EME2: variants seen among roughly 807,000 people sequenced by gnomAD.
EME2 encodes the protein essential meiotic structure-specific endonuclease subunit 2, also known as structure-specific endonuclease subunit EME2.
Under a neutral mutation model 41.9 loss-of-function variants are expected in EME2, and 58 were observed. The observed-to-expected ratio is 1.38, with a 90% confidence interval of 1.12 to 1.72. EME2 has a LOEUF of 1.72. Ranked by LOEUF, EME2 falls within the 40% of genes most tolerant of loss-of-function variation. EME2 has a pLI of 0.00. For missense variants in EME2, 695 were observed against 541.9 expected, an observed-to-expected ratio of 1.28 and a Z score of -2.81; for synonymous variants, 334 against 239.3, an observed-to-expected ratio of 1.40 and a Z score of -3.65.
Position 1,780,947 on chromosome 16 carries a change from G to C in EME2, c.*4709G>C, listed in dbSNP as rs186945317. On this transcript the variant is annotated 3_prime_UTR_variant, in exon 8 of 8. Coordinates refer to ENST00000568449, the MANE Select transcript of EME2 (RefSeq NM_001257370.2). Reference sequence around the variant, plus strand: ...AGTGTTTCACCATGTTGCCCAGGCAGGTCTCAAACTCCTGGGCTCAAGTGG... The same window carrying C: ...AGTGTTTCACCATGTTGCCCAGGCACGTCTCAAACTCCTGGGCTCAAGTGG... The C allele has an allele frequency of 6.0e-5, 21 of 347,470 alleles. No homozygotes were observed. Among genetic ancestry groups the C allele is most frequent in the African/African-American group, 4.5e-4 (21 of 46,774 alleles). The allele number at this position is 347,470 out of a possible 1,614,324, so 21.5% of individuals were successfully genotyped here.
Position 1,779,315 on chromosome 16 carries a change from G to T in EME2, c.*3077G>T. 6.6e-6 allele frequency: 1 copy of T among 152,596 alleles called. No homozygotes were observed. Among genetic ancestry groups the T allele is most frequent in the Non-Finnish European group, 1.5e-5 (1 of 68,226 alleles). 9.5% of individuals were successfully genotyped at this position (152,596 alleles called of 1,614,324 possible). ...CCTCCCTGTCACAGACTGTGTGGGG[G>T]CCACCCAGGGGCTGAATGGACCAGG... is the stretch of plus-strand genomic sequence containing the variant. On this transcript the variant is annotated 3_prime_UTR_variant, in exon 8 of 8. Coordinates refer to ENST00000568449, the MANE Select transcript of EME2 (RefSeq NM_001257370.2).
At chr16:1,774,983 C>T in intron 3 of EME2, 58 bp from the exon 4 acceptor site, 2 of 1,376,004 alleles carry the variant, frequency 1.5e-6, no homozygotes, top group Non-Finnish European at 2.0e-6. Flanking sequence ...GCCTGGTGGC[C>T]CATGGCCATA....
chr16:1,776,816 G>A lies in EME2; in HGVS notation c.*578G>A, dbSNP rs2042719878. ...GCAAGTTAGGAAAAACCGAGGCCCTGTGGGAACAGCAACGCGGGCTCCAGC... is the reference window on the plus strand; with the variant it reads ...GCAAGTTAGGAAAAACCGAGGCCCTATGGGAACAGCAACGCGGGCTCCAGC... On this transcript the variant is annotated 3_prime_UTR_variant, in exon 8 of 8. Coordinates refer to ENST00000568449, the MANE Select transcript of EME2 (RefSeq NM_001257370.2). The A allele has an allele frequency of 3.9e-6, 2 of 514,582 alleles. No individual in the cohort carries two copies. Among genetic ancestry groups the A allele is most frequent in the African/African-American group, 1.9e-5 (1 of 51,988 alleles). The allele number at this position is 514,582 out of a possible 1,614,324, so 31.9% of individuals were successfully genotyped here.
intron 1 of EME2, 49 bp from the exon 2 acceptor site, chr16:1,773,656 C>CGCGAGG (rs1235921803): frequency 2.0e-5 from 31 of 1,546,086 alleles, no homozygotes; most frequent in Non-Finnish European, 2.7e-5. Context: ...GTAGGGCGCT[C>CGCGAGG]GCGAGGGTGG....
chr16:1,775,424 A>G lies in EME2; in HGVS notation c.663+16A>G, dbSNP rs749461667. 11 of 1,611,830 alleles carry G rather than the reference A, an allele frequency of 6.8e-6. No homozygotes were observed. In the South Asian group the frequency reaches 1.2e-4, roughly 18 times the overall value. On this transcript the variant is annotated intron_variant, in intron 5 of 7. Coordinates refer to ENST00000568449, the MANE Select transcript of EME2 (RefSeq NM_001257370.2). ...GGTGGAAGAGGTGAGGGCCTGTCTGAGCTGGGTGAGTCAGGTGGCCTGGGT... is the reference window on the plus strand; with the variant it reads ...GGTGGAAGAGGTGAGGGCCTGTCTGGGCTGGGTGAGTCAGGTGGCCTGGGT...
rs748044681 is a variant in EME2 at position 1,775,977 on chromosome 16, T to C, written c.960T>C (p.Leu320=). Residue 320 remains leucine (L), a synonymous_variant, in exon 7 of 8, where the codon CTT becomes CTC. Coordinates refer to ENST00000568449, the MANE Select transcript of EME2 (RefSeq NM_001257370.2). The part of the protein sequence containing the change: ...AVVTAFPSPR[L]LQQALEACST... ...TCACAGCCTTCCCCTCCCCCCGCCT[T>C]CTGCAGCAGGTGGGCCCCTGCCTCC... 2.5e-6 allele frequency: 4 copies of C among 1,608,928 alleles called. No individual in the cohort carries two copies. The highest frequency in any genetic ancestry group is 3.4e-6 in the Non-Finnish European group (4 of 1,179,078).
Position 1,774,322 on chromosome 16 carries a change from G to A in EME2, c.447G>A (p.Glu149=). 1.2e-6 allele frequency: 2 copies of A among 1,612,824 alleles called. No individual in the cohort carries two copies. Among genetic ancestry groups the A allele is most frequent in the Non-Finnish European group, 1.7e-6 (2 of 1,179,946 alleles). Residue 149 remains glutamate, a synonymous_variant, in exon 3 of 8, where the codon GAG becomes GAA. Coordinates refer to ENST00000568449, the MANE Select transcript of EME2 (RefSeq NM_001257370.2). Reference sequence around the variant, plus strand: ...TGCTGCTGCTGCTGGAGCCCGAGGAGTTTCTGCAGGGCGTCGCCACACTGA... The same window carrying A: ...TGCTGCTGCTGCTGGAGCCCGAGGAATTTCTGCAGGGCGTCGCCACACTGA... The part of the protein sequence containing the change: ...QELLLLLEPE[E]FLQGVATLTQ...
rs1197438919 is a variant in EME2, at chr16:1,773,143, C to G, written c.-85C>G. 2.2e-6 allele frequency: 3 copies of G among 1,390,892 alleles called. No individual in the cohort carries two copies. The highest frequency in any genetic ancestry group is 2.8e-6 in the Non-Finnish European group (3 of 1,078,146). The allele number at this position is 1,390,892 out of a possible 1,614,324, so 86.2% of individuals were successfully genotyped here. On this transcript the variant is annotated 5_prime_UTR_variant, in exon 1 of 8. Coordinates refer to ENST00000568449, the MANE Select transcript of EME2 (RefSeq NM_001257370.2). Reference sequence around the variant, plus strand: ...ATGGCGGGTCCGCGTCCTCAGCGGTCCGGCCGGAAGTCACCGGAAGAGGCC... The same window carrying G: ...ATGGCGGGTCCGCGTCCTCAGCGGTGCGGCCGGAAGTCACCGGAAGAGGCC...
Position 1,775,966 on chromosome 16 carries a change from T to TC in EME2, c.955dup (p.Arg319ProfsTer29), listed in dbSNP as rs771589337. On this transcript the variant is annotated frameshift_variant, in exon 7 of 8. Transcript: ENST00000568449. LOFTEE classifies it low-confidence loss of function (END_TRUNC). Reference sequence around the variant, plus strand: ...TGATGCAGTTGTCACAGCCTTCCCCTCCCCCCGCCTTCTGCAGCAGGTGGG... The same window carrying TC: ...TGATGCAGTTGTCACAGCCTTCCCCTCCCCCCCGCCTTCTGCAGCAGGTGGG... 3.7e-5 allele frequency: 59 copies of TC among 1,608,376 alleles called. No homozygotes were observed. Among genetic ancestry groups the TC allele is most frequent in the Non-Finnish European group, 4.9e-5 (58 of 1,178,778 alleles).
At chr16:1,773,664 T>C (rs1170146058) in intron 1 of EME2, 41 bp from the exon 2 acceptor site, 22 of 1,546,188 alleles carry the variant, frequency 1.4e-5, no homozygotes, top group Admixed American at 3.9e-5. Context: ...CTCGCGAGGG[T>C]GGAAGGAAGC....
In EME2 at chr16:1,773,050, G is replaced by C; in HGVS notation, c.-178G>C. On this transcript the variant is annotated 5_prime_UTR_variant, in exon 1 of 8. Coordinates refer to ENST00000568449, the MANE Select transcript of EME2 (RefSeq NM_001257370.2). ...TGGGAGTCGCGCGGCCTGTTCAGTT[G>C]CTCCCGCAGGGCGCGCACGCGGCGG... 2.8e-6 allele frequency: 4 copies of C among 1,423,884 alleles called. No individual in the cohort carries two copies. The highest frequency in any genetic ancestry group is 3.7e-6 in the Non-Finnish European group (4 of 1,090,292). 88.2% of individuals were successfully genotyped at this position (1,423,884 alleles called of 1,614,324 possible). A position where few individuals can be genotyped will look rare whatever the true frequency, so the allele number is the denominator to read the frequency against.
chr16:1,772,957 A>C lies in EME2; in HGVS notation c.-271A>C. ...CGGCTCTCGCGGCGCACGTCGGCCC[A>C]GGCCCGGACCGGCAGCCGGCGTCCA... On this transcript the variant is annotated 5_prime_UTR_variant, in exon 1 of 8. Transcript: ENST00000568449. 6.9e-7 allele frequency: 1 copy of C among 1,450,114 alleles called. No homozygotes were observed. Among genetic ancestry groups the C allele is most frequent in the Non-Finnish European group, 9.0e-7 (1 of 1,105,678 alleles). The allele number at this position is 1,450,114 out of a possible 1,614,324, so 89.8% of individuals were successfully genotyped here. A position where few individuals can be genotyped will look rare whatever the true frequency, so the allele number is the denominator to read the frequency against.
chr16:1,774,485 T>G lies in EME2; in HGVS notation c.477+133T>G, dbSNP rs557544231. ...CATGGGGCAGGCCAGGACTCCTCTCTGATCCAAAGCCGTAGAGGTTTCTAG... is the reference window on the plus strand; with the variant it reads ...CATGGGGCAGGCCAGGACTCCTCTCGGATCCAAAGCCGTAGAGGTTTCTAG... On this transcript the variant is annotated intron_variant, in intron 3 of 7. Coordinates refer to ENST00000568449, the MANE Select transcript of EME2 (RefSeq NM_001257370.2). 6.1e-5 allele frequency: 43 copies of G among 702,800 alleles called. No individual in the cohort carries two copies. In the East Asian group the frequency reaches 1.1e-3, roughly 18 times the overall value. 43.5% of individuals were successfully genotyped at this position (702,800 alleles called of 1,614,324 possible).
Position 1,778,056 on chromosome 16 carries a change from CA to C in EME2, c.*1819del, listed in dbSNP as rs779622721. The C allele has an allele frequency of 5.0e-6, 8 of 1,613,046 alleles. No individual in the cohort carries two copies. The Admixed American group carries it at 1.0e-4, about 20-fold the overall frequency. On this transcript the variant is annotated 3_prime_UTR_variant, in exon 8 of 8. Transcript: ENST00000568449. ...CGTCCCGATGCCCACCATCTAGGAACAGGGGCCAGGCAGAGGGCGCGGGGCT... is the reference window on the plus strand; with the variant it reads ...CGTCCCGATGCCCACCATCTAGGAACGGGGCCAGGCAGAGGGCGCGGGGCT...
At position 1,777,692 on chromosome 16, in the gene EME2, G is replaced by A; in HGVS notation, c.*1454G>A. On this transcript the variant is annotated 3_prime_UTR_variant, in exon 8 of 8. Coordinates refer to ENST00000568449, the MANE Select transcript of EME2 (RefSeq NM_001257370.2). ...GTGTCCCCTGGGCTGGGGCGGGGTG[G>A]CTGCCTCCCTCGGGGTGACAGCTGA... 1.9e-6 allele frequency: 3 copies of A among 1,597,740 alleles called. No individual in the cohort carries two copies. Among genetic ancestry groups the A allele is most frequent in the South Asian group, 2.2e-5 (2 of 90,088 alleles).
intron 3 of EME2, 152 bp downstream of exon 3, chr16:1,774,504 T>C: frequency 1.6e-6 from 1 of 644,210 alleles, no homozygotes; most frequent in Non-Finnish European, 2.7e-6. Flanking sequence ...GCCGTAGAGG[T>C]TTCTAGGGTG....
chr16:1,775,267 C>A, intron 4 of EME2, 48 bp from the exon 5 acceptor site: 1 of 1,602,750 alleles, frequency 6.2e-7, no homozygotes, highest in Non-Finnish European at 8.5e-7. Context: ...CAAGCTCGGG[C>A]AGGGCAGGCC....
rs1210122271 is a variant in EME2 at position 1,778,324 on chromosome 16, G to T, written c.*2086G>T. 6.2e-7 allele frequency: 1 copy of T among 1,612,028 alleles called. No individual in the cohort carries two copies. On this transcript the variant is annotated 3_prime_UTR_variant, in exon 8 of 8. Transcript: ENST00000568449. ...GTCATCCCAGACCCAGTCGAAATCT[G>T]CAAGAGAGGCCCAGGCTGGGGCAGC...
At chr16:1,774,628 G>T (rs2042681500) in intron 3 of EME2, among the ~76,000 whole-genome samples, 2 of 152,274 alleles carry the variant, frequency 1.3e-5, no homozygotes, top group African/African-American at 4.8e-5. Flanking sequence ...TCCTCTGACA[G>T]CAGACAGCCT....
Sources: gnomAD v4.1 joint callset for allele counts (sites outside exome capture counted in the v4.1 genomes callset) on GRCh38, gnomAD v4.1.1 for gene constraint, MANE v1.5 for transcripts, NCBI Gene and HGNC (gene_info 2026-07-23, HGNC 2026-07-21) for gene names.